Variants in CYP2F1 observed in about 807,000 individuals in gnomAD.
CYP2F1 encodes cytochrome P450 2F1.
In CYP2F1, 33 loss-of-function variants were observed where a neutral mutation model predicts 40.4. The ratio of observed to expected loss-of-function variants is 0.82; its 90% CI spans 0.62 to 1.09. The LOEUF (loss-of-function observed/expected upper bound fraction) is 1.09, where lower values mean the gene tolerates loss of function less well. Among genes scored for constraint, CYP2F1 ranks in the 50% least tolerant of loss-of-function variants. The pLI is 0.00. For synonymous variants in CYP2F1, 235 were observed against 277.2 expected, an observed-to-expected ratio of 0.85 and a Z score of 1.51; for missense variants, 566 against 655.7, an observed-to-expected ratio of 0.86 and a Z score of 1.49.
rs757331747 is a variant in CYP2F1 at position 41,124,827 on chromosome 19, G to T, written c.1073G>T (p.Arg358Leu). The change falls in exon 8 of 10, where the codon CGC becomes CTC. Residue 358 changes from arginine to leucine, a missense_variant. Physicochemically the swap from Arg to Leu is moderately radical, Grantham distance 102. This residue lies in a region of CYP2F1 where 128 missense variants were observed against 121.0 expected (regional missense o/e 1.06). Coordinates refer to ENST00000331105, the MANE Select transcript of CYP2F1 (RefSeq NM_000774.5). ...GACGCGGTGATCCACGAGGTGCAGC[G>T]CTTTGCAGACATCATCCCCATGAAC... ...YTDAVIHEVQ[R>L]FADIIPMNLP... 1 of 1,611,768 alleles carries T rather than the reference G, an allele frequency of 6.2e-7. No homozygotes were observed. The highest frequency in any genetic ancestry group is 2.2e-5 in the East Asian group (1 of 44,868).
At position 41,124,809 on chromosome 19, in the gene CYP2F1, T is replaced by G. The variant is rs1188436496; in HGVS notation, c.1055T>G (p.Val352Gly). The G allele has an allele frequency of 6.2e-7, 1 of 1,611,502 alleles. No homozygotes were observed. Among genetic ancestry groups the G allele is most frequent in the Non-Finnish European group, 8.5e-7 (1 of 1,179,782 alleles). Residue 352 changes from valine to glycine, a missense_variant, in exon 8 of 10, where the codon GTG (valine) becomes GGG (glycine). Transcript: ENST00000331105. ...DRAAMPYTDA[V>G]IHEVQRFADI... Reference sequence around the variant, plus strand: ...GCGGCCATGCCTTACACAGACGCGGTGATCCACGAGGTGCAGCGCTTTGCA... The same window carrying G: ...GCGGCCATGCCTTACACAGACGCGGGGATCCACGAGGTGCAGCGCTTTGCA...
At chr19:41,121,313 A>G (rs1255108764) in intron 4 of CYP2F1, 145 bp from the exon 5 acceptor site, 3 of 824,136 alleles carry the variant, frequency 3.6e-6, no homozygotes, top group Non-Finnish European at 5.8e-6. Flanking sequence ...GTTAAGCAGC[A>G]TGTTGTGACC....
chr19:41,118,984 T>A (rs997300902), intron 3 of CYP2F1, among the ~76,000 whole-genome samples: 32 of 152,122 alleles, frequency 2.1e-4, no homozygotes, highest in Admixed American at 2.1e-3. Context: ...GACACAGGCA[T>A]CACCAACCAG....
intron 1 of CYP2F1, among the ~76,000 whole-genome samples, chr19:41,115,859 A>G (rs550622606): frequency 6.6e-6 from 1 of 152,182 alleles, no homozygotes; most frequent in Non-Finnish European, 1.5e-5. Context: ...AGACATCTGT[A>G]GATATGTAGA....
At chr19:41,127,842 G>C (rs147518799) in intron 9 of CYP2F1, 59 bp from the exon 10 acceptor site, 55,943 of 1,359,236 alleles carry the variant, frequency 0.041, 1,023 homozygotes, top group Non-Finnish European at 0.048. Context: ...GGAATGTGGG[G>C]TTGCAGCCTC....
At chr19:41,116,384 T>C (rs2031806369) in intron 2 of CYP2F1, 25 bp downstream of exon 2, 5 of 1,612,256 alleles carry the variant, frequency 3.1e-6, no homozygotes, top group African/African-American at 1.3e-5. Flanking sequence ...GCTTGGGTGA[T>C]GGTGGAAGGA....
intron 7 of CYP2F1, chr19:41,123,196 T>G: frequency 1.5e-6 from 1 of 650,330 alleles, no homozygotes; most frequent in South Asian, 1.5e-5. Flanking sequence ...TTGGTTTTTT[T>G]GTCTTTGTTT....
intron 6 of CYP2F1, among the ~76,000 whole-genome samples, chr19:41,122,606 A>T (rs2032292037): frequency 6.6e-6 from 1 of 152,114 alleles, no homozygotes; most frequent in Non-Finnish European, 1.5e-5. Flanking sequence ...GTATTTTTTA[A>T]AAAAACAAGA....
chr19:41,118,639 C>T (rs2031960504), intron 3 of CYP2F1, among the ~76,000 whole-genome samples: 2 of 152,150 alleles, frequency 1.3e-5, no homozygotes. Flanking sequence ...CAGAAAACAT[C>T]TGGATGGGTA....
intron 8 of CYP2F1, 48 bp downstream of exon 8, chr19:41,124,954 C>A (rs1488729980): frequency 6.6e-7 from 1 of 1,514,108 alleles, no homozygotes; most frequent in Admixed American, 1.8e-5. Context: ...GAGGAGGCAT[C>A]GCAGGCTCTT....
intron 3 of CYP2F1, among the ~76,000 whole-genome samples, chr19:41,117,179 G>A (rs561316124): frequency 1.5e-4 from 23 of 151,862 alleles, no homozygotes; most frequent in Non-Finnish European, 2.1e-4. Context: ...CACCCAGGCC[G>A]GAGTGAAGTG....
chr19:41,122,207 G>A (rs551733677), intron 6 of CYP2F1, 74 bp downstream of exon 6: 2 of 1,361,740 alleles, frequency 1.5e-6, no homozygotes, highest in East Asian at 2.4e-5. Context: ...AAACCCACAG[G>A]GACCCCAGAT....
At chr19:41,119,719 C>CTATATA (rs2032040998) in intron 3 of CYP2F1, among the ~76,000 whole-genome samples, 4 of 38,124 alleles carry the variant, frequency 1.0e-4, no homozygotes, top group African/African-American at 3.7e-4. Context: ...CTCTCTCTCT[C>CTATATA]TCTCTATATA....
chr19:41,116,677 G>C, intron 3 of CYP2F1, 60 bp downstream of exon 3: 1 of 1,567,176 alleles, frequency 6.4e-7, no homozygotes, highest in Non-Finnish European at 8.7e-7. Context: ...GAGGGGGTGA[G>C]GGTGAGAGAC....
rs144170685 is a variant in CYP2F1, at chr19:41,127,933, C to T, written c.1327C>T (p.Arg443Cys). 79 of 1,612,934 alleles carry T rather than the reference C, an allele frequency of 4.9e-5. No individual in the cohort carries two copies. The highest frequency in any genetic ancestry group is 5.9e-5 in the Non-Finnish European group (70 of 1,179,866). Residue 443 changes from arginine (R) to cysteine (C), a missense_variant, in exon 10 of 10, where the codon CGC becomes TGC. This residue lies in a region of CYP2F1 where 85 missense variants were observed against 84.9 expected (regional missense o/e 1.00). Coordinates refer to ENST00000331105, the MANE Select transcript of CYP2F1 (RefSeq NM_000774.5). ...RRLCLGESLARMELFLYLTAI... is the reference protein window; with the variant it reads ...RRLCLGESLACMELFLYLTAI... ...TCTGTGCCTGGGAGAGTCGCTGGCG[C>T]GCATGGAGCTCTTTCTGTACCTCAC...
intron 3 of CYP2F1, among the ~76,000 whole-genome samples, chr19:41,119,748 T>TATATACACAC (rs1337166345): frequency 2.9e-3 from 105 of 36,076 alleles, no homozygotes; most frequent in East Asian, 4.9e-3. Context: ...TATATATATA[T>TATATACACAC]ACACACACAC....
intron 7 of CYP2F1, 35 bp from the exon 8 acceptor site, chr19:41,124,684 G>A (rs73545060): frequency 0.024 from 37,911 of 1,586,248 alleles, 1,716 homozygotes; most frequent in African/African-American, 0.19. Context: ...CGCGCCCGCT[G>A]ATACCCTCGA....
intron 3 of CYP2F1, among the ~76,000 whole-genome samples, chr19:41,119,723 C>CTCTCTCTCTCTATA (rs1478574507): frequency 5.0e-4 from 18 of 35,796 alleles, no homozygotes; most frequent in South Asian, 1.4e-3. Context: ...CTCTCTCTCT[C>CTCTCTCTCTCTATA]TATATATATA....
intron 9 of CYP2F1, among the ~76,000 whole-genome samples, chr19:41,126,029 A>C (rs1442431768): frequency 2.6e-5 from 4 of 152,044 alleles, no homozygotes; most frequent in Non-Finnish European, 4.4e-5. Flanking sequence ...GCTACTCTGG[A>C]GGCTGAGACA....
Sources: gnomAD v4.1 joint callset for allele counts (sites outside exome capture counted in the v4.1 genomes callset) on GRCh38, gnomAD v4.1.1 for gene constraint, gnomAD v4.1.1 regional missense constraint, MANE v1.5 for transcripts, NCBI Gene and HGNC (gene_info 2026-07-23, HGNC 2026-07-21) for gene names.